FBXL3: variants seen among roughly 807,000 people sequenced by gnomAD.
The protein encoded by FBXL3 is F-box/LRR-repeat protein 3.
In FBXL3, 14 loss-of-function variants were observed where a neutral mutation model predicts 37.9. The observed-to-expected ratio is 0.37, with a 90% CI of 0.24 to 0.58. FBXL3 has a LOEUF of 0.58. Ranked by LOEUF, FBXL3 falls within the 20% of genes least tolerant of loss-of-function variation. The pLI, the probability that FBXL3 is intolerant of heterozygous loss-of-function variation, is 0.74. For synonymous variants in FBXL3, 194 were observed against 180.1 expected, an observed-to-expected ratio of 1.08 and a Z score of -0.62; for missense variants, 327 against 511.1, an observed-to-expected ratio of 0.64 and a Z score of 3.47.
intron 3 of FBXL3, chr13:77,018,073 T>A (rs1035118957): frequency 6.6e-6 from 1 of 152,134 alleles, no homozygotes; most frequent in African/African-American, 2.4e-5. Context: ...TGCAGGATCA[T>A]GTTAGAATAT....
intron 1 of FBXL3, among the ~76,000 whole-genome samples, chr13:77,024,391 A>G (rs1414231009): frequency 1.3e-5 from 2 of 152,218 alleles, no homozygotes; most frequent in South Asian, 2.1e-4. Context: ...TCAAAAAAGA[A>G]TGACAGTCTT....
rs35934318 is a variant in FBXL3, at chr13:77,025,687, C to CAAAAAA, written c.-2+1134_-2+1139dup. ...TGGGTGACAAAGTGAGTCCTTGTCT[C>CAAAAAA]AAAAAAAAAAAAAAAAAAAAAAAAA... is the stretch of plus-strand genomic sequence containing the variant. On this transcript the variant is annotated intron_variant, in intron 1 of 4. Transcript: ENST00000355619. Among the ~76,000 whole-genome samples the CAAAAAA allele has an allele frequency of 1.4e-3, 103 of 73,938 alleles. 5 individuals are homozygous for CAAAAAA. The highest frequency in any genetic ancestry group is 9.8e-3 in the Middle Eastern group (1 of 102). The allele number at this position is 73,938 out of a possible 152,430, so 48.5% of individuals were successfully genotyped here.
intron 4 of FBXL3, 49 bp from the exon 5 acceptor site, chr13:77,007,837 G>A (rs766221609): frequency 1.3e-5 from 19 of 1,491,716 alleles, no homozygotes; most frequent in Admixed American, 2.3e-5. Flanking sequence ...AAGTTTATCT[G>A]TTGAAAAATT....
chr13:77,007,956 T>C, intron 4 of FBXL3, among the ~76,000 whole-genome samples, 168 bp from the exon 5 acceptor site: 1 of 152,202 alleles, frequency 6.6e-6, no homozygotes, highest in East Asian at 1.9e-4. Context: ...ACATTTAAAA[T>C]CTATTACTAA....
In FBXL3 at chr13:77,015,507, G is replaced by T. The variant is rs1277900686; in HGVS notation, c.545C>A (p.Thr182Asn). The change falls in exon 4 of 5, where the codon ACT becomes AAT. Residue 182 changes from threonine (T) to asparagine (N), a missense_variant. By Grantham distance (65) the Thr-to-Asn change is moderately conservative. Coordinates refer to ENST00000355619, the MANE Select transcript of FBXL3 (RefSeq NM_012158.4). ...TTTGAGAGATGGATCATCTACTGGA[G>T]TATCATCTATCTTAAGCGAAGACAG... ...KSLSSLKIDD[T>N]PVDDPSLKVL... The T allele has an allele frequency of 1.9e-6, 3 of 1,607,606 alleles. No individual in the cohort carries two copies. In the Admixed American group the frequency reaches 5.1e-5, roughly 27 times the overall value.
intron 3 of FBXL3, chr13:77,016,606 A>G (rs9573980): frequency 0.038 from 5,709 of 151,446 alleles, 214 homozygotes; most frequent in East Asian, 0.14. Flanking sequence ...GGCACTCCTT[A>G]GCTCACTACA....
At chr13:77,025,059 T>C (rs1442412230) in intron 1 of FBXL3, among the ~76,000 whole-genome samples, 2 of 152,230 alleles carry the variant, frequency 1.3e-5, no homozygotes, top group East Asian at 3.8e-4. Context: ...CTGCTATACA[T>C]AAAATTAAAC....
intron 3 of FBXL3, 162 bp downstream of exon 3, chr13:77,018,438 A>G (rs1034682493): frequency 7.7e-5 from 35 of 455,964 alleles, no homozygotes; most frequent in African/African-American, 6.8e-4. Context: ...AAAAAAAAAA[A>G]AGCTTAAAAA....
At chr13:77,008,773 G>C (rs557613245) in intron 4 of FBXL3, 3 of 152,096 alleles carry the variant, frequency 2.0e-5, no homozygotes, top group Admixed American at 2.0e-4. Flanking sequence ...GGATAGTATC[G>C]AACTCCGGAC....
chr13:77,016,712 T>G (rs892727863), intron 3 of FBXL3: 3 of 151,992 alleles, frequency 2.0e-5, no homozygotes, highest in Non-Finnish European at 4.4e-5. Context: ...TTTTTTTTTT[T>G]GTAGAGATGG....
In FBXL3 at chr13:77,007,545, T is replaced by G; in HGVS notation, c.887A>C (p.Tyr296Ser). ...AAAGAAGGGGTCAAATTCTTCTTCA[T>G]ATAAAAAAAAATACATCACTAAGTT... ...KVNLVMYFFL[Y>S]EEEFDPFFRY... The change falls in exon 5 of 5, where the codon TAT becomes TCT. Residue 296 changes from tyrosine to serine, a missense_variant. By Grantham distance (144) the Tyr-to-Ser change is moderately radical. Coordinates refer to ENST00000355619, the MANE Select transcript of FBXL3 (RefSeq NM_012158.4). The G allele has an allele frequency of 1.2e-6, 2 of 1,613,926 alleles. No individual in the cohort carries two copies. The highest frequency in any genetic ancestry group is 1.7e-6 in the Non-Finnish European group (2 of 1,179,954).
rs766494461 is a variant in FBXL3, at chr13:77,007,665, C to A, written c.767G>T (p.Arg256Leu). The A allele has an allele frequency of 6.2e-7, 1 of 1,614,124 alleles. No individual in the cohort carries two copies. The highest frequency in any genetic ancestry group is 8.5e-7 in the Non-Finnish European group (1 of 1,180,016). ...SEKHVRLEHL[R>L]IDVVSENPGQ... Reference sequence around the variant, plus strand: ...AGGATTCTCACTGACTACATCAATGCGCAAATGTTCTAATCGAACATGTTT... The same window carrying A: ...AGGATTCTCACTGACTACATCAATGAGCAAATGTTCTAATCGAACATGTTT... Residue 256 changes from arginine (R) to leucine (L), a missense_variant, in exon 5 of 5, where the codon CGC becomes CTC. Coordinates refer to ENST00000355619, the MANE Select transcript of FBXL3 (RefSeq NM_012158.4).
Position 77,027,029 on chromosome 13 carries a change from C to T in FBXL3, c.-204G>A, listed in dbSNP as rs2034857383. ...GGCTCCACCTTTGCGGCTCTGGCTG[C>T]CCAGAAAGAAGCTTTCCTTCTCAGT... On this transcript the variant is annotated 5_prime_UTR_variant, in exon 1 of 5. Coordinates refer to ENST00000355619, the MANE Select transcript of FBXL3 (RefSeq NM_012158.4). The T allele has an allele frequency of 6.6e-6, 1 of 151,936 alleles. No individual in the cohort carries two copies. The highest frequency in any genetic ancestry group is 1.5e-5 in the Non-Finnish European group (1 of 67,968). The allele number at this position is 151,936 out of a possible 1,614,324, so 9.4% of individuals were successfully genotyped here. A position where few individuals can be genotyped will look rare whatever the true frequency, so the allele number is the denominator to read the frequency against.
intron 4 of FBXL3, chr13:77,014,105 G>T (rs1386974253): frequency 6.6e-6 from 1 of 152,232 alleles, no homozygotes; most frequent in African/African-American, 2.4e-5. Context: ...GGTCAACAAA[G>T]ATCACATCTG....
intron 4 of FBXL3, among the ~76,000 whole-genome samples, chr13:77,012,496 T>C (rs766839725): frequency 6.6e-6 from 1 of 152,200 alleles, no homozygotes; most frequent in Non-Finnish European, 1.5e-5. Context: ...GTTGGCTTTA[T>C]AGGGAACTAA....
intron 4 of FBXL3, chr13:77,014,896 A>C (rs1178050205): frequency 6.6e-6 from 1 of 152,212 alleles, no homozygotes; most frequent in Non-Finnish European, 1.5e-5. Context: ...AGCTATTATA[A>C]TGCTCTTCTT....
chr13:77,026,283 T>C (rs866696900), intron 1 of FBXL3: 1 of 985,426 alleles, frequency 1.0e-6, no homozygotes, highest in Non-Finnish European at 1.2e-6. Context: ...TCAACACAAG[T>C]TGACCAAGTT....
chr13:77,017,526 C>T (rs866815288), intron 3 of FBXL3: 1 of 152,078 alleles, frequency 6.6e-6, no homozygotes, highest in East Asian at 1.9e-4. Flanking sequence ...TTAGAATCAC[C>T]CCGAATTTGA....
At chr13:77,012,230 A>G (rs558090151) in intron 4 of FBXL3, among the ~76,000 whole-genome samples, 19 of 152,360 alleles carry the variant, frequency 1.2e-4, no homozygotes, top group Non-Finnish European at 2.5e-4. Context: ...TACATTTTAA[A>G]TGAGAATTGT....
Sources: gnomAD v4.1 joint callset for allele counts (sites outside exome capture counted in the v4.1 genomes callset) on GRCh38, gnomAD v4.1.1 for gene constraint, MANE v1.5 for transcripts, NCBI Gene and HGNC (gene_info 2026-07-23, HGNC 2026-07-21) for gene names.